AKT3: variants seen among roughly 807,000 people sequenced by gnomAD.
AKT3 encodes AKT serine/threonine kinase 3.
A neutral mutation model predicts 65.3 loss-of-function variants in AKT3; 15 were observed. The observed-to-expected ratio is 0.23, with a 90% CI of 0.15 to 0.35. The LOEUF (loss-of-function observed/expected upper bound fraction) is 0.35, where lower values mean the gene tolerates loss of function less well. AKT3 is among the 10% of genes least tolerant of loss of function. The pLI, the probability that AKT3 is intolerant of heterozygous loss-of-function variation, is 1.00. For missense variants in AKT3, 243 were observed against 576.5 expected (o/e 0.42, Z 5.92); for synonymous variants, 206 against 183.8 (o/e 1.12, Z -0.98).
intron 1 of AKT3, among the ~76,000 whole-genome samples, chr1:243,849,573 G>T (rs965057583): frequency 1.3e-5 from 2 of 151,528 alleles, no homozygotes; most frequent in Non-Finnish European, 2.9e-5. Context: ...CACTGACACC[G>T]GCGCTCCACG....
At position 243,807,248 on chromosome 1, in the gene AKT3, G is replaced by A. The variant is rs184523599; in HGVS notation, c.46+35877C>T. 1.5e-3 allele frequency among the ~76,000 whole-genome samples: 229 copies of A among 152,300 alleles called. 1 individual carries two copies. Among genetic ancestry groups the A allele is most frequent in the Admixed American group, 0.011 (163 of 15,300 alleles). On this transcript the variant is annotated intron_variant, in intron 2 of 13. Transcript: ENST00000673466. ...AGCAGGGTGAGGCATCACCTCACCC[G>A]GGAAGCACAAGGCGTCAGGGAATTC... is the stretch of plus-strand genomic sequence containing the variant.
intron 10 of AKT3, among the ~76,000 whole-genome samples, chr1:243,558,782 G>A (rs1673580677): frequency 6.6e-6 from 1 of 151,988 alleles, no homozygotes; most frequent in Non-Finnish European, 1.5e-5. Flanking sequence ...TGTACTTTTT[G>A]TGTGATCACA....
chr1:243,652,630 A>G (rs998432146), intron 4 of AKT3, among the ~76,000 whole-genome samples: 7 of 152,118 alleles, frequency 4.6e-5, no homozygotes, highest in Admixed American at 3.9e-4. Flanking sequence ...AAATGCCCCA[A>G]TGACAAGACA....
At chr1:243,735,427 C>T (rs144055577) in intron 2 of AKT3, among the ~76,000 whole-genome samples, 7 of 152,146 alleles carry the variant, frequency 4.6e-5, no homozygotes, top group African/African-American at 9.7e-5. Context: ...TCATTCTGCA[C>T]CACATGACTA....
At chr1:243,618,982 A>G (rs780724866) in intron 6 of AKT3, among the ~76,000 whole-genome samples, 1 of 152,134 alleles carries the variant, frequency 6.6e-6, no homozygotes, top group African/African-American at 2.4e-5. Context: ...TCTAAGTTCA[A>G]TAGTAAAGGT....
chr1:243,726,197 G>C (rs1008531340), intron 2 of AKT3, among the ~76,000 whole-genome samples: 2 of 152,086 alleles, frequency 1.3e-5, no homozygotes, highest in African/African-American at 4.8e-5. Context: ...GTTAACCCAC[G>C]CCCCAATATG....
At chr1:243,608,453 G>A (rs1677599352) in intron 8 of AKT3, among the ~76,000 whole-genome samples, 1 of 152,200 alleles carries the variant, frequency 6.6e-6, no homozygotes, top group South Asian at 2.1e-4. Flanking sequence ...ATTTCAGCGA[G>A]GCCACTAAAG....
chr1:243,626,001 C>T (rs1161880377), intron 6 of AKT3, among the ~76,000 whole-genome samples: 3 of 152,218 alleles, frequency 2.0e-5, no homozygotes, highest in African/African-American at 4.8e-5. Flanking sequence ...CCATAGATGA[C>T]ATAGCTGGTA....
intron 4 of AKT3, among the ~76,000 whole-genome samples, chr1:243,648,400 C>T (rs577417269): frequency 6.6e-6 from 1 of 152,050 alleles, no homozygotes; most frequent in Non-Finnish European, 1.5e-5. Context: ...GATGTTAACA[C>T]AACTTTGAAT....
intron 3 of AKT3, among the ~76,000 whole-genome samples, chr1:243,684,855 T>C (rs529897339): frequency 6.6e-6 from 1 of 152,338 alleles, no homozygotes; most frequent in East Asian, 1.9e-4. Flanking sequence ...CCATTCTAAC[T>C]GGCGTGGGAT....
intron 12 of AKT3, among the ~76,000 whole-genome samples, chr1:243,524,958 A>T (rs565718343): frequency 6.6e-6 from 1 of 152,302 alleles, no homozygotes; most frequent in Non-Finnish European, 1.5e-5. Flanking sequence ...AGCTTATGCC[A>T]TTTAGGGTAA....
At chr1:243,790,753 C>G (rs1206417975) in intron 2 of AKT3, among the ~76,000 whole-genome samples, 1 of 152,090 alleles carries the variant, frequency 6.6e-6, no homozygotes, top group East Asian at 1.9e-4. Context: ...GTTCCTTTCA[C>G]TTGAACATGT....
At chr1:243,612,035 C>T (rs1280988838) in intron 8 of AKT3, among the ~76,000 whole-genome samples, 2 of 152,138 alleles carry the variant, frequency 1.3e-5, no homozygotes, top group Non-Finnish European at 2.9e-5. Flanking sequence ...TATCTTAACA[C>T]ATTTTCATAA....
chr1:243,751,063 C>A (rs956340858), intron 2 of AKT3, among the ~76,000 whole-genome samples: 1 of 152,092 alleles, frequency 6.6e-6, no homozygotes. Context: ...AGCTAACTGG[C>A]CCAATTTTAC....
At chr1:243,741,888 AT>A (rs1688171861) in intron 2 of AKT3, 1 of 151,988 alleles carries the variant, frequency 6.6e-6, no homozygotes. Flanking sequence ...AAAGGACTTT[AT>A]TTTTCTCAAT....
Position 243,489,619 on chromosome 1 carries a change from A to C in AKT3, c.*7-1169T>G, listed in dbSNP as rs1299217661. ...AATTAGCTGACTGATTACTGGGCTA[A>C]TATCTGGAGTGCTTGCAGAGCACCC... On this transcript the variant is annotated intron_variant, in intron 13 of 13. Coordinates refer to the AKT3 transcript ENST00000336199. Among the ~76,000 whole-genome samples, 3 of 152,344 alleles carry C rather than the reference A, an allele frequency of 2.0e-5. No homozygotes were observed. In the East Asian group the frequency reaches 5.8e-4, roughly 29 times the overall value.
At chr1:243,595,877 A>G (rs1279852942) in intron 8 of AKT3, among the ~76,000 whole-genome samples, 1 of 152,206 alleles carries the variant, frequency 6.6e-6, no homozygotes, top group Non-Finnish European at 1.5e-5. Flanking sequence ...GAAACAATGA[A>G]AAGTACAATA....
At chr1:243,591,825 CAG>C (rs943540378) in intron 8 of AKT3, among the ~76,000 whole-genome samples, 1 of 150,484 alleles carries the variant, frequency 6.6e-6, no homozygotes, top group Non-Finnish European at 1.5e-5. Flanking sequence ...CTTAAAGACA[CAG>C]GGGGAAAAAC....
chr1:243,613,813 A>G, intron 7 of AKT3, 74 bp from the exon 8 acceptor site: 1 of 884,472 alleles, frequency 1.1e-6, no homozygotes, highest in Non-Finnish European at 1.7e-6. Context: ...CTAAAAATAG[A>G]ACACATAGAA....
Sources: gnomAD v4.1 joint callset for allele counts (sites outside exome capture counted in the v4.1 genomes callset) on GRCh38, gnomAD v4.1.1 for gene constraint, MANE v1.5 for transcripts, NCBI Gene and HGNC (gene_info 2026-07-23, HGNC 2026-07-21) for gene names.